Variants in PARP15 observed in about 807,000 individuals in gnomAD.
The protein encoded by PARP15 is poly(ADP-ribose) polymerase family member 15.
A neutral mutation model predicts 62.1 loss-of-function variants in PARP15; 50 were observed. That is an observed-to-expected ratio of 0.81 (90% CI 0.64 to 1.02). The LOEUF (loss-of-function observed/expected upper bound fraction) is 1.02. Ranked by LOEUF, PARP15 falls within the 50% of genes least tolerant of loss-of-function variation. The probability of loss-of-function intolerance (pLI) is 0.00; values close to 1 mark genes in which losing one functional copy is unlikely to be tolerated. For missense variants in PARP15, 820 were observed against 826.5 expected (o/e 0.99, Z 0.10); for synonymous variants, 309 against 293.1 (o/e 1.05, Z -0.55).
chr3:122,617,450 G>A (rs189118924), intron 6 of PARP15, among the ~76,000 whole-genome samples: 64 of 152,262 alleles, frequency 4.2e-4, no homozygotes, highest in Admixed American at 2.7e-3. Context: ...TTTAACTGAC[G>A]CATTGTACTT....
At chr3:122,606,093 T>C in intron 2 of PARP15, 38 bp downstream of exon 2, 1 of 1,538,280 alleles carries the variant, frequency 6.5e-7, no homozygotes, top group Non-Finnish European at 8.8e-7. Flanking sequence ...CAAGGAACAG[T>C]GGGATCTATT....
At chr3:122,601,037 T>TTTTTTTTTTTTG (rs1934755998) in intron 1 of PARP15, among the ~76,000 whole-genome samples, 1 of 89,132 alleles carries the variant, frequency 1.1e-5, no homozygotes, top group African/African-American at 5.5e-5. Context: ...TCTTTTATGG[T>TTTTTTTTTTTTG]TTTTTTTTTT....
At position 122,621,617 on chromosome 3, in the gene PARP15, C is replaced by T; in HGVS notation, c.1231+6C>T. On this transcript the variant is annotated splice_donor_region_variant and intron_variant, in intron 8 of 11. Coordinates refer to ENST00000464300, the MANE Select transcript of PARP15 (RefSeq NM_001113523.3). ...CCTTCCAGCCATTGGAACAGGTTTGCAGCTTATCATTCTATAATAAAATTT... is the reference window on the plus strand; with the variant it reads ...CCTTCCAGCCATTGGAACAGGTTTGTAGCTTATCATTCTATAATAAAATTT... 2 of 1,576,072 alleles carry T rather than the reference C, an allele frequency of 1.3e-6. No homozygotes were observed. Among genetic ancestry groups the T allele is most frequent in the Non-Finnish European group, 1.7e-6 (2 of 1,165,740 alleles).
chr3:122,605,225 G>A (rs999347724), intron 1 of PARP15, among the ~76,000 whole-genome samples: 19 of 151,964 alleles, frequency 1.3e-4, no homozygotes, highest in Non-Finnish European at 2.5e-4. Context: ...TTGTGGAGGG[G>A]GGTTCAGTAT....
intron 5 of PARP15, 67 bp from the exon 6 acceptor site, chr3:122,616,948 C>G: frequency 6.5e-7 from 1 of 1,547,502 alleles, no homozygotes; most frequent in East Asian, 2.3e-5. Flanking sequence ...GAATAGGGCC[C>G]CAAGATGAGT....
chr3:122,594,626 A>G (rs1362931872), intron 1 of PARP15: 4 of 918,658 alleles, frequency 4.4e-6, no homozygotes, highest in South Asian at 5.0e-5. Flanking sequence ...AACTTTACAT[A>G]GAAATTAGCA....
At chr3:122,635,439 C>T (rs1222395605) in intron 11 of PARP15, among the ~76,000 whole-genome samples, 1 of 151,310 alleles carries the variant, frequency 6.6e-6, no homozygotes, top group Non-Finnish European at 1.5e-5. Flanking sequence ...TAGACGGTCT[C>T]ATTCTGTCAC....
intron 2 of PARP15, among the ~76,000 whole-genome samples, chr3:122,608,213 CTTTTTTTTTTT>C (rs71136576): frequency 1.8e-5 from 2 of 113,914 alleles, no homozygotes; most frequent in African/African-American, 3.4e-5. Flanking sequence ...TTTCTCTTTT[CTTTTTTTTTTT>C]TTTTTTTTTT....
chr3:122,617,416 G>T (rs914312283), intron 6 of PARP15, among the ~76,000 whole-genome samples: 1 of 152,174 alleles, frequency 6.6e-6, no homozygotes, highest in African/African-American at 2.4e-5. Context: ...ATTAGATGGG[G>T]TGTTAACTGA....
At chr3:122,625,238 T>C (rs1186393134) in intron 8 of PARP15, among the ~76,000 whole-genome samples, 1 of 145,750 alleles carries the variant, frequency 6.9e-6, no homozygotes, top group African/African-American at 2.5e-5. Flanking sequence ...GTTGTTGTTG[T>C]TGTTCTTTGT....
At chr3:122,613,600 C>A (rs1377849371) in intron 4 of PARP15, among the ~76,000 whole-genome samples, 3 of 152,120 alleles carry the variant, frequency 2.0e-5, no homozygotes, top group Non-Finnish European at 4.4e-5. Context: ...ATGAGAGAAG[C>A]CTCAAGGATT....
At chr3:122,579,999 G>GTATA (rs59527124) in intron 1 of PARP15, among the ~76,000 whole-genome samples, 3,294 of 63,658 alleles carry the variant, frequency 0.052, 184 homozygotes, top group South Asian at 0.072. Flanking sequence ...GCAACTATAT[G>GTATA]TATATATATA....
At chr3:122,586,506 A>G (rs1016441774) in intron 1 of PARP15, among the ~76,000 whole-genome samples, 1 of 132,962 alleles carries the variant, frequency 7.5e-6, no homozygotes, top group African/African-American at 2.9e-5. Flanking sequence ...CAACATGCCC[A>G]ACCCATATGT....
At chr3:122,634,428 G>C (rs1197504303) in intron 10 of PARP15, among the ~76,000 whole-genome samples, 1 of 152,188 alleles carries the variant, frequency 6.6e-6, no homozygotes, top group African/African-American at 2.4e-5. Context: ...CTAGGAGGAA[G>C]GAGAACCAGT....
At chr3:122,610,401 C>A in intron 2 of PARP15, 93 bp from the exon 3 acceptor site, 1 of 1,159,292 alleles carries the variant, frequency 8.6e-7, no homozygotes, top group Non-Finnish European at 1.2e-6. Context: ...CAAAACATAT[C>A]TGTACATTAC....
rs1400272139 is a variant in PARP15 at position 122,617,030 on chromosome 3, T to C, written c.866T>C (p.Val289Ala). ...TTCTTTTCAGGTGTGGTCGGGACTG[T>C]CTCTAAGCCTTGTTTCACAGCATAT... ...AGDTQGVVGT[V>A]SKPCFTAYEM... Residue 289 changes from valine to alanine, a missense_variant, in exon 6 of 12, where the codon GTC becomes GCC. Physicochemically the swap from Val to Ala is moderately conservative, Grantham distance 64. This residue lies in a region of PARP15 where 731 missense variants were observed against 727.7 expected (regional missense o/e 1.00). Coordinates refer to ENST00000464300, the MANE Select transcript of PARP15 (RefSeq NM_001113523.3). The C allele has an allele frequency of 6.2e-7, 1 of 1,613,962 alleles. No homozygotes were observed. Among genetic ancestry groups the C allele is most frequent in the Non-Finnish European group, 8.5e-7 (1 of 1,180,010 alleles).
intron 1 of PARP15, among the ~76,000 whole-genome samples, chr3:122,590,253 G>T (rs1933792205): frequency 6.6e-6 from 1 of 151,026 alleles, no homozygotes; most frequent in South Asian, 2.1e-4. Context: ...CACCTTATTT[G>T]GATGACCAAG....
intron 8 of PARP15, among the ~76,000 whole-genome samples, chr3:122,625,883 G>A (rs1936691539): frequency 1.3e-5 from 2 of 152,196 alleles, no homozygotes; most frequent in Admixed American, 6.5e-5. Flanking sequence ...GTGGAGCCAG[G>A]ACATAAACTC....
chr3:122,594,736 T>C, intron 1 of PARP15: 1 of 975,116 alleles, frequency 1.0e-6, no homozygotes, highest in Non-Finnish European at 1.2e-6. Flanking sequence ...TAAGTTGATT[T>C]TTACTTCTAG....
Sources: allele counts gnomAD v4.1 joint callset (sites outside exome capture counted in the v4.1 genomes callset), GRCh38; gene constraint gnomAD v4.1.1; regional missense constraint gnomAD v4.1.1; transcripts MANE v1.5; gene names NCBI Gene and HGNC (gene_info 2026-07-23, HGNC 2026-07-21).